The following ZBBX variants were observed in gnomAD, a reference collection of about 807,000 sequenced individuals.
ZBBX encodes zinc finger B-box domain containing.
In ZBBX, 101 loss-of-function variants were observed where a neutral mutation model predicts 108.5. The ratio of observed to expected loss-of-function variants is 0.93; its 90% CI spans 0.79 to 1.10. The LOEUF is 1.10. Among genes scored for constraint, ZBBX ranks in the 50% least tolerant of loss-of-function variants. The pLI, the probability that ZBBX is intolerant of heterozygous loss-of-function variation, is 0.00. For synonymous variants in ZBBX, 356 were observed against 323.4 expected (o/e 1.10, Z -1.08); for missense variants, 1,009 against 941.4 (o/e 1.07, Z -0.94).
intron 1 of ZBBX, chr3:167,392,820 T>A (rs1341057094): frequency 1.3e-5 from 2 of 151,878 alleles, no homozygotes; most frequent in Non-Finnish European, 1.5e-5. Context: ...TGCTATTAAC[T>A]GATTTGACAT....
intron 4 of ZBBX, among the ~76,000 whole-genome samples, chr3:167,370,805 A>C (rs1746046460): frequency 6.6e-6 from 1 of 152,192 alleles, no homozygotes; most frequent in East Asian, 1.9e-4. Flanking sequence ...GATTTCCAAA[A>C]TGATAAGTTC....
intron 20 of ZBBX, among the ~76,000 whole-genome samples, chr3:167,281,860 A>T (rs746084878): frequency 3.9e-5 from 6 of 152,198 alleles, no homozygotes; most frequent in Non-Finnish European, 5.9e-5. Context: ...GCTTTAAAAG[A>T]TCTAATGGCT....
intron 1 of ZBBX, among the ~76,000 whole-genome samples, chr3:167,407,500 A>G (rs1358209105): frequency 6.6e-6 from 1 of 152,068 alleles, no homozygotes; most frequent in African/African-American, 2.4e-5. Context: ...TGACTCCCCC[A>G]AAACTTAAGT....
chr3:167,275,757 C>A (rs1246699445), intron 20 of ZBBX, among the ~76,000 whole-genome samples: 1 of 152,200 alleles, frequency 6.6e-6, no homozygotes, highest in African/African-American at 2.4e-5. Context: ...CCCAGAAGCT[C>A]GAACTGGGTG....
chr3:167,216,438 T>G, the ZBBX span, among the ~76,000 whole-genome samples: 1 of 151,460 alleles, frequency 6.6e-6, no homozygotes, highest in East Asian at 2.0e-4. Context: ...ATCTTTACAA[T>G]GAGAATTACA....
chr3:167,330,865 GAGGAGGAGA>G (rs1427796313), intron 10 of ZBBX, among the ~76,000 whole-genome samples: 1,475 of 21,786 alleles, frequency 0.068, 69 homozygotes, highest in African/African-American at 0.19. Flanking sequence ...GGAGGAGGAG[GAGGAGGAGA>G]AGAAGAAGAA....
At chr3:167,226,275 T>C in the ZBBX span, among the ~76,000 whole-genome samples, 1 of 151,828 alleles carries the variant, frequency 6.6e-6, no homozygotes, top group Non-Finnish European at 1.5e-5. Context: ...ATAGTTAACA[T>C]ACATTTATAG....
At chr3:167,353,825 G>A (rs925787845) in intron 8 of ZBBX, among the ~76,000 whole-genome samples, 1 of 151,936 alleles carries the variant, frequency 6.6e-6, no homozygotes, top group Non-Finnish European at 1.5e-5. Flanking sequence ...CAAGCTAATA[G>A]TGGTGGGGAC....
intron 17 of ZBBX, among the ~76,000 whole-genome samples, chr3:167,301,538 A>G (rs1008493759): frequency 2.0e-5 from 3 of 152,156 alleles, no homozygotes; most frequent in African/African-American, 7.2e-5. Flanking sequence ...TTTTTCTTGC[A>G]TTTGGGATTA....
At chr3:167,362,643 CA>C (rs1199440979) in intron 6 of ZBBX, among the ~76,000 whole-genome samples, 2 of 152,162 alleles carry the variant, frequency 1.3e-5, no homozygotes, top group Non-Finnish European at 2.9e-5. Context: ...AATGTTTCAT[CA>C]AAAGTTTACA....
At position 167,362,380 on chromosome 3, in the gene ZBBX, A is replaced by G. The variant is rs80083514; in HGVS notation, c.274-1657T>C. ...ACATATTATCTATGCCACTGGGGTC[A>G]GAATATGCTGTCATCATCAGCCTCC... On this transcript the variant is annotated intron_variant, in intron 6 of 21. Coordinates refer to ENST00000675490, the MANE Select transcript of ZBBX (RefSeq NM_001199201.2). Among the ~76,000 whole-genome samples the G allele has an allele frequency of 2.3e-4, 35 of 152,190 alleles. No individual in the cohort carries two copies. The East Asian group carries it at 6.0e-3, about 26-fold the overall frequency.
downstream of ZBBX, among the ~76,000 whole-genome samples, chr3:167,238,474 T>C (rs1020481457): frequency 2.0e-5 from 3 of 152,010 alleles, no homozygotes; most frequent in South Asian, 4.1e-4. Context: ...GAAATGGCTA[T>C]AGGTCTCTTC....
chr3:167,397,848 T>A, intron 1 of ZBBX, among the ~76,000 whole-genome samples: 1 of 130,018 alleles, frequency 7.7e-6, no homozygotes, highest in Non-Finnish European at 1.7e-5. Context: ...CTAAACAAAC[T>A]CACTTGCAAA....
chr3:167,224,066 A>G, the ZBBX span, among the ~76,000 whole-genome samples: 119 of 152,068 alleles, frequency 7.8e-4, 1 homozygote, highest in African/African-American at 2.8e-3. Flanking sequence ...GCGGGTGGGA[A>G]ACAAGATATT....
intron 6 of ZBBX, among the ~76,000 whole-genome samples, chr3:167,361,827 T>C (rs1180452413): frequency 2.0e-5 from 3 of 152,188 alleles, no homozygotes. Context: ...TACATCTGAA[T>C]TGAAACATGA....
At chr3:167,227,483 T>A in the ZBBX span, among the ~76,000 whole-genome samples, 1 of 151,704 alleles carries the variant, frequency 6.6e-6, no homozygotes, top group African/African-American at 2.4e-5. Flanking sequence ...GTCTCTCTTA[T>A]CCTTCCTTGG....
In ZBBX at chr3:167,305,991, T is replaced by G. The variant is rs773866200; in HGVS notation, c.1418-41A>C. On this transcript the variant is annotated intron_variant, in intron 16 of 21. Coordinates refer to ENST00000675490, the MANE Select transcript of ZBBX (RefSeq NM_001199201.2). ...AGTTACAAAAGGTACATAAATAAAT[T>G]TAAACAAATAATTAAACTGTTAATA... is the stretch of plus-strand genomic sequence containing the variant. 4 of 1,395,304 alleles carry G rather than the reference T, an allele frequency of 2.9e-6. No homozygotes were observed. The East Asian group carries it at 7.6e-5, about 26-fold the overall frequency. The allele number at this position is 1,395,304 out of a possible 1,614,324, so 86.4% of individuals were successfully genotyped here. A position where few individuals can be genotyped will look rare whatever the true frequency, so the allele number is the denominator to read the frequency against.
intron 20 of ZBBX, among the ~76,000 whole-genome samples, chr3:167,250,716 A>G (rs1051846252): frequency 5.9e-5 from 9 of 152,070 alleles, no homozygotes; most frequent in African/African-American, 2.2e-4. Context: ...CCATATTCTA[A>G]AGGTAGTTAG....
At chr3:167,233,813 G>A in the ZBBX span, among the ~76,000 whole-genome samples, 1 of 150,084 alleles carries the variant, frequency 6.7e-6, no homozygotes, top group Non-Finnish European at 1.5e-5. Flanking sequence ...TGGTTTTATA[G>A]CAAAAGGATG....
Sources: gnomAD v4.1 joint callset for allele counts (sites outside exome capture counted in the v4.1 genomes callset) on GRCh38, gnomAD v4.1.1 for gene constraint, MANE v1.5 for transcripts, NCBI Gene and HGNC (gene_info 2026-07-23, HGNC 2026-07-21) for gene names.